Variants in SLAMF9 observed in about 807,000 individuals in gnomAD.
SLAMF9 encodes the protein CD2 family member 10.
Under a neutral mutation model 30.4 loss-of-function variants are expected in SLAMF9, and 25 were observed. The observed-to-expected ratio is 0.82, with a 90% CI of 0.60 to 1.15. The LOEUF (loss-of-function observed/expected upper bound fraction) is 1.15. Ranked by LOEUF, SLAMF9 falls within the 50% of genes most tolerant of loss-of-function variation. The pLI is 0.00. For missense variants in SLAMF9, 344 were observed against 346.1 expected (o/e 0.99, Z 0.05); for synonymous variants, 129 against 127.2 (o/e 1.01, Z -0.09).
At chr1:159,982,041 G>A in the SLAMF9 span, among the ~76,000 whole-genome samples, 1 of 152,176 alleles carries the variant, frequency 6.6e-6, no homozygotes, top group African/African-American at 2.4e-5. Context: ...GCCTCTGCAG[G>A]TCTAATCTTG....
rs189527068 is a variant in SLAMF9, at chr1:159,951,655, G to A, written c.*6C>T. 2.0e-5 allele frequency: 32 copies of A among 1,613,542 alleles called. No homozygotes were observed. In the Middle Eastern group the frequency reaches 5.1e-4, roughly 26 times the overall value. Reference sequence around the variant, plus strand: ...CAAGCTCAGGACTGGGGTTCCCAAGGAGCAGTCAGGCAGGGCTGGAGCCAG... The same window carrying A: ...CAAGCTCAGGACTGGGGTTCCCAAGAAGCAGTCAGGCAGGGCTGGAGCCAG... On this transcript the variant is annotated 3_prime_UTR_variant, in exon 4 of 4. Coordinates refer to ENST00000368093, the MANE Select transcript of SLAMF9 (RefSeq NM_033438.4).
chr1:159,953,707 G>A, intron 1 of SLAMF9, 54 bp from the exon 2 acceptor site: 2 of 1,497,618 alleles, frequency 1.3e-6, no homozygotes, highest in East Asian at 4.6e-5. Context: ...CTGGGCTGCT[G>A]AACCTGGCAG....
upstream of SLAMF9, among the ~76,000 whole-genome samples, chr1:159,954,613 C>A (rs527492372): frequency 2.4e-4 from 36 of 152,328 alleles, no homozygotes; most frequent in African/African-American, 8.7e-4. Flanking sequence ...CAGACTTCAT[C>A]TTTCATTTCC....
At chr1:159,964,924 C>T in the SLAMF9 span, among the ~76,000 whole-genome samples, 1 of 152,170 alleles carries the variant, frequency 6.6e-6, no homozygotes, top group African/African-American at 2.4e-5. Flanking sequence ...CCCTGGGCCA[C>T]CCAGACGGGT....
At chr1:159,970,416 T>C in the SLAMF9 span, among the ~76,000 whole-genome samples, 3 of 152,222 alleles carry the variant, frequency 2.0e-5, no homozygotes, top group Non-Finnish European at 4.4e-5. Flanking sequence ...CATCGCACAG[T>C]GTTTTCTTGA....
intron 3 of SLAMF9, among the ~76,000 whole-genome samples, 165 bp downstream of exon 3, chr1:159,952,097 C>T (rs1651765370): frequency 6.6e-6 from 1 of 152,158 alleles, no homozygotes; most frequent in South Asian, 2.1e-4. Flanking sequence ...GTTGGGGGCA[C>T]TAGAAAAACG....
the SLAMF9 span, chr1:159,973,199 T>A: frequency 7.1e-7 from 1 of 1,417,626 alleles, no homozygotes; most frequent in Non-Finnish European, 1.0e-6. Flanking sequence ...GGTGCAGCTT[T>A]GTTTGACATC....
At chr1:159,976,086 A>AGTGT in the SLAMF9 span, among the ~76,000 whole-genome samples, 890 of 148,368 alleles carry the variant, frequency 6.0e-3, 13 homozygotes, top group African/African-American at 0.02. Context: ...TATAGGTTGT[A>AGTGT]GTGTGTGTGT....
upstream of SLAMF9, among the ~76,000 whole-genome samples, chr1:159,955,956 A>C (rs1651914110): frequency 1.3e-5 from 2 of 150,756 alleles, no homozygotes; most frequent in South Asian, 4.1e-4. Flanking sequence ...TTATGTAATA[A>C]ATCTGTTTAA....
upstream of SLAMF9, among the ~76,000 whole-genome samples, chr1:159,957,635 C>T (rs575171033): frequency 1.3e-5 from 2 of 152,136 alleles, no homozygotes; most frequent in East Asian, 3.9e-4. Flanking sequence ...AAAAAAATTG[C>T]TAAGACAGTA....
chr1:159,973,934 G>A, the SLAMF9 span: 1 of 1,611,986 alleles, frequency 6.2e-7, no homozygotes, highest in Non-Finnish European at 8.5e-7. Flanking sequence ...TTTCCTTAGA[G>A]AAATGAAGGA....
At chr1:159,962,881 G>A in the SLAMF9 span, among the ~76,000 whole-genome samples, 1 of 152,188 alleles carries the variant, frequency 6.6e-6, no homozygotes. Flanking sequence ...CTCTCAGAAA[G>A]TGCTCTAGTT....
At position 159,953,332 on chromosome 1, in the gene SLAMF9, T is replaced by G. The variant is rs1435238037; in HGVS notation, c.368A>C (p.Gln123Pro). The G allele has an allele frequency of 6.2e-7, 1 of 1,607,784 alleles. No homozygotes were observed. Among genetic ancestry groups the G allele is most frequent in the African/African-American group, 1.3e-5 (1 of 74,808 alleles). Residue 123 changes from glutamine (Q) to proline (P), a missense_variant, in exon 2 of 4, where the codon CAG becomes CCG. Transcript: ENST00000368093. ...NLRTSQISTM[Q>P]QYNICVYRWL... ...ACGGTAGACACATATATTGTACTGC[T>G]GCATGGTAGAGATCTGGGATGTTCT...
chr1:159,952,902 G>T lies in SLAMF9; in HGVS notation c.392-368C>A, dbSNP rs181773723. Among the ~76,000 whole-genome samples, 63 of 152,330 alleles carry T rather than the reference G, an allele frequency of 4.1e-4. No individual in the cohort carries two copies. In the East Asian group the frequency reaches 0.012, roughly 28 times the overall value. ...CCCTTCAAGCTTCAAGGTAGATGCA[G>T]TGTGACAGACACTAAGAAGAAATTT... On this transcript the variant is annotated intron_variant, in intron 2 of 3. Transcript: ENST00000368093.
At chr1:159,976,830 C>T in the SLAMF9 span, 1 of 150,448 alleles carries the variant, frequency 6.6e-6, no homozygotes, top group Non-Finnish European at 1.5e-5. Flanking sequence ...ATTCCTTGAG[C>T]CCAGGAGTTT....
At chr1:159,953,701 G>A in intron 1 of SLAMF9, 48 bp from the exon 2 acceptor site, 2 of 1,527,142 alleles carry the variant, frequency 1.3e-6, no homozygotes, top group Non-Finnish European at 1.8e-6. Flanking sequence ...CTGTCTCTGG[G>A]CTGCTGAACC....
chr1:159,975,214 C>T, the SLAMF9 span, among the ~76,000 whole-genome samples: 1 of 152,192 alleles, frequency 6.6e-6, no homozygotes, highest in Admixed American at 6.5e-5. Flanking sequence ...AGTACCTCTA[C>T]ATGCCAGGCC....
At chr1:159,975,642 A>T in the SLAMF9 span, among the ~76,000 whole-genome samples, 1 of 152,178 alleles carries the variant, frequency 6.6e-6, no homozygotes, top group African/African-American at 2.4e-5. Flanking sequence ...GTAAAGAATG[A>T]TCAGAACAGG....
upstream of SLAMF9, among the ~76,000 whole-genome samples, chr1:159,958,727 A>C (rs932541414): frequency 1.3e-5 from 2 of 152,256 alleles, no homozygotes; most frequent in East Asian, 3.9e-4. Context: ...AGCTACCCAA[A>C]GTGCTGGGAT....
Sources: allele counts gnomAD v4.1 joint callset (sites outside exome capture counted in the v4.1 genomes callset), GRCh38; gene constraint gnomAD v4.1.1; transcripts MANE v1.5; gene names NCBI Gene and HGNC (gene_info 2026-07-23, HGNC 2026-07-21).